CMSS1: variants seen among roughly 807,000 people sequenced by gnomAD.
CMSS1 encodes the protein cms1 ribosomal small subunit homolog.
CMSS1 carries 33 observed loss-of-function variants against 43.5 expected under a neutral mutation model. That is an observed-to-expected ratio of 0.76 (90% CI 0.57 to 1.01). The LOEUF is 1.01. Among genes scored for constraint, CMSS1 ranks in the 50% least tolerant of loss-of-function variants. The pLI, the probability that CMSS1 is intolerant of heterozygous loss-of-function variation, is 0.00. For synonymous variants in CMSS1, 115 were observed against 117.2 expected (o/e 0.98, Z 0.12); for missense variants, 313 against 326.4 (o/e 0.96, Z 0.32).
At position 100,167,790 on chromosome 3, in the gene CMSS1, C is replaced by G; in HGVS notation, c.468C>G (p.Val156=). The change falls in exon 6 of 10, where the codon GTC becomes GTG. Residue 156 remains valine, a synonymous_variant. Coordinates refer to ENST00000421999, the MANE Select transcript of CMSS1 (RefSeq NM_032359.4). The part of the protein sequence containing the change: ...LRKNHSEKKS[V]LMLIICSSAV... Reference sequence around the variant, plus strand: ...AGAACCACAGTGAGAAGAAATCGGTCCTGATGCTGATCATCTGCAGCTCGG... The same window carrying G: ...AGAACCACAGTGAGAAGAAATCGGTGCTGATGCTGATCATCTGCAGCTCGG... 1 of 1,613,396 alleles carries G rather than the reference C, an allele frequency of 6.2e-7. No homozygotes were observed. Among genetic ancestry groups the G allele is most frequent in the Non-Finnish European group, 8.5e-7 (1 of 1,179,774 alleles).
chr3:100,029,598 C>G (rs965032991), intron 1 of CMSS1, among the ~76,000 whole-genome samples: 1 of 152,000 alleles, frequency 6.6e-6, no homozygotes, highest in Non-Finnish European at 1.5e-5. Context: ...TTATTCCAGC[C>G]TAAATAGTCT....
intron 1 of CMSS1, among the ~76,000 whole-genome samples, chr3:100,014,701 T>C (rs1250708414): frequency 6.6e-6 from 1 of 151,970 alleles, no homozygotes; most frequent in Non-Finnish European, 1.5e-5. Flanking sequence ...GCTATTGAGT[T>C]CTTTGAGTTC....
intron 1 of CMSS1, among the ~76,000 whole-genome samples, chr3:100,089,910 A>T (rs2066074391): frequency 6.6e-6 from 1 of 152,146 alleles, no homozygotes; most frequent in Admixed American, 6.6e-5. Context: ...GAACTGTAGG[A>T]ATTGACTCAG....
Position 99,975,064 on chromosome 3 carries a change from AG to A in CMSS1, c.64+157023del, listed in dbSNP as rs564870687. On this transcript the variant is annotated intron_variant, in intron 1 of 9. Transcript: ENST00000421999. ...AACTCTGAGTGACTGCTAATGTTCC[AG>A]GAACTATACTGAGCATCTTAGATTA... 4.6e-3 allele frequency among the ~76,000 whole-genome samples: 707 copies of A among 152,354 alleles called. 2 individuals are homozygous for A. The highest frequency in any genetic ancestry group is 7.0e-3 in the South Asian group (34 of 4,832).
At chr3:99,844,889 T>A (rs1943293357) in intron 1 of CMSS1, among the ~76,000 whole-genome samples, 1 of 152,166 alleles carries the variant, frequency 6.6e-6, no homozygotes, top group Non-Finnish European at 1.5e-5. Context: ...TGCCTTAGCT[T>A]TTCTTTGCCT....
At chr3:100,139,701 G>A (rs1371819762) in intron 1 of CMSS1, among the ~76,000 whole-genome samples, 2 of 150,564 alleles carry the variant, frequency 1.3e-5, no homozygotes, top group African/African-American at 2.4e-5. Context: ...GGAGGCTGAG[G>A]CAGGAGAATC....
chr3:99,936,109 T>C (rs996016300), intron 1 of CMSS1, among the ~76,000 whole-genome samples: 22 of 152,150 alleles, frequency 1.4e-4, no homozygotes, highest in African/African-American at 5.3e-4. Flanking sequence ...ATTTTTGTTT[T>C]AGAATTGTGG....
intron 1 of CMSS1, among the ~76,000 whole-genome samples, chr3:99,990,733 C>A (rs569632706): frequency 6.6e-6 from 1 of 150,536 alleles, no homozygotes; most frequent in Non-Finnish European, 1.5e-5. Flanking sequence ...CAAGTGCCCA[C>A]GGGAGGAAAA....
At position 100,167,829 on chromosome 3, in the gene CMSS1, G is replaced by A; in HGVS notation, c.507G>A (p.Leu169=). Residue 169 remains leucine, a synonymous_variant, in exon 6 of 10, where the codon CTG becomes CTA. Transcript: ENST00000421999. ...LIICSSAVRA[L]ELIRSMTAFR... ...TCTGCAGCTCGGCCGTCCGAGCCCT[G>A]GAGCTCATTAGGTTGGAAGGTTCAC... 2 of 1,609,664 alleles carry A rather than the reference G, an allele frequency of 1.2e-6. No individual in the cohort carries two copies. Among genetic ancestry groups the A allele is most frequent in the Non-Finnish European group, 8.5e-7 (1 of 1,177,474 alleles).
chr3:100,025,954 G>A (rs1412006169), intron 1 of CMSS1, among the ~76,000 whole-genome samples: 1 of 152,204 alleles, frequency 6.6e-6, no homozygotes, highest in African/African-American at 2.4e-5. Context: ...CAGGTGTAGT[G>A]AGATGTGGTA....
intron 5 of CMSS1, among the ~76,000 whole-genome samples, chr3:100,167,327 A>T (rs2067073364): frequency 6.6e-6 from 1 of 152,220 alleles, no homozygotes; most frequent in Admixed American, 6.5e-5. Flanking sequence ...GTATTTAGTA[A>T]ATGTTTGCTG....
chr3:99,956,439 G>C (rs531968728), intron 1 of CMSS1, among the ~76,000 whole-genome samples: 2 of 152,108 alleles, frequency 1.3e-5, no homozygotes, highest in Non-Finnish European at 2.9e-5. Context: ...TGCAAACTAC[G>C]CCTCCTAGGT....
At chr3:100,155,166 A>G (rs1057466787) in intron 2 of CMSS1, among the ~76,000 whole-genome samples, 9 of 152,116 alleles carry the variant, frequency 5.9e-5, no homozygotes, top group Non-Finnish European at 1.0e-4. Context: ...TCTCCTATCT[A>G]TTATACTTCC....
chr3:99,837,210 T>C (rs1054157001), intron 1 of CMSS1, among the ~76,000 whole-genome samples: 8 of 152,220 alleles, frequency 5.3e-5, no homozygotes, highest in Non-Finnish European at 1.2e-4. Flanking sequence ...GCATGATCCG[T>C]ACTCACTGAT....
At chr3:100,169,665 A>C (rs1002589740) in intron 6 of CMSS1, among the ~76,000 whole-genome samples, 4 of 152,230 alleles carry the variant, frequency 2.6e-5, no homozygotes, top group Admixed American at 2.6e-4. Context: ...ATAATCTCCC[A>C]GTGAAACACT....
At chr3:99,819,502 T>C (rs793468) in intron 1 of CMSS1, among the ~76,000 whole-genome samples, 112,015 of 152,108 alleles carry the variant, frequency 0.74, 41,891 homozygotes, top group African/African-American at 0.88. Flanking sequence ...TTGATTTAAC[T>C]TTCATAACAT....
At chr3:100,092,000 C>T (rs1012883248) in intron 1 of CMSS1, among the ~76,000 whole-genome samples, 1 of 152,180 alleles carries the variant, frequency 6.6e-6, no homozygotes, top group Admixed American at 6.5e-5. Flanking sequence ...GTTGCTTGAT[C>T]TCTCTGGACC....
intron 1 of CMSS1, among the ~76,000 whole-genome samples, chr3:99,826,065 C>T (rs757832528): frequency 6.6e-5 from 10 of 152,186 alleles, no homozygotes; most frequent in African/African-American, 1.7e-4. Flanking sequence ...GTGTGAGCCA[C>T]GGAGCCCGGC....
At chr3:99,988,893 C>T (rs879831411) in intron 1 of CMSS1, among the ~76,000 whole-genome samples, 2 of 152,190 alleles carry the variant, frequency 1.3e-5, no homozygotes, top group Non-Finnish European at 1.5e-5. Context: ...TCTATTAAAG[C>T]TTCTTTCAGC....
Sources: allele counts gnomAD v4.1 joint callset (sites outside exome capture counted in the v4.1 genomes callset), GRCh38; gene constraint gnomAD v4.1.1; transcripts MANE v1.5; gene names NCBI Gene and HGNC (gene_info 2026-07-23, HGNC 2026-07-21).